The following ICE1 variants were observed in gnomAD, a reference collection of about 807,000 sequenced individuals.
ICE1 encodes interactor of little elongation complex ELL subunit 1.
Under a neutral mutation model 192.7 loss-of-function variants are expected in ICE1, and 64 were observed. That is an observed-to-expected ratio of 0.33 (90% CI 0.27 to 0.41). ICE1 has a LOEUF of 0.41. Among genes scored for constraint, ICE1 ranks in the 10% least tolerant of loss-of-function variants. The pLI, the probability that ICE1 is intolerant of heterozygous loss-of-function variation, is 1.00. For missense variants in ICE1, 2,708 were observed against 2,696.0 expected, an observed-to-expected ratio of 1.00 and a Z score of -0.10; for synonymous variants, 1,010 against 984.5, an observed-to-expected ratio of 1.03 and a Z score of -0.49.
intron 11 of ICE1, among the ~76,000 whole-genome samples, chr5:5,456,589 T>A (rs935679005): frequency 2.6e-5 from 4 of 152,222 alleles, no homozygotes; most frequent in African/African-American, 9.6e-5. Context: ...ACTCCATTTT[T>A]TTTTGAGTTG....
Position 5,460,772 on chromosome 5 carries a change from C to G in ICE1, c.1438C>G (p.His480Asp), listed in dbSNP as rs140386293. ...GAGTGATAGAAAAAGAGACATTTTA[C>G]ATGAGACAAAAACACAAATGGAGGT... is the stretch of plus-strand genomic sequence containing the variant. ...SMSDRKRDIL[H>D]ETKTQMEVRE... The change falls in exon 13 of 19, where the codon CAT becomes GAT. Residue 480 changes from histidine to aspartate, a missense_variant. Physicochemically the swap from His to Asp is moderately conservative, Grantham distance 81. Coordinates refer to ENST00000296564, the MANE Select transcript of ICE1 (RefSeq NM_015325.3). 6.2e-7 allele frequency: 1 copy of G among 1,613,994 alleles called. No homozygotes were observed. Among genetic ancestry groups the G allele is most frequent in the Non-Finnish European group, 8.5e-7 (1 of 1,179,892 alleles).
In ICE1 at chr5:5,436,343, A is replaced by G; in HGVS notation, c.85-75A>G. 7 of 879,690 alleles carry G rather than the reference A, an allele frequency of 8.0e-6. No individual in the cohort carries two copies. The South Asian group carries it at 1.2e-4, about 15-fold the overall frequency. The allele number at this position is 879,690 out of a possible 1,614,324, so 54.5% of individuals were successfully genotyped here. A position where few individuals can be genotyped will look rare whatever the true frequency, so the allele number is the denominator to read the frequency against. On this transcript the variant is annotated intron_variant, in intron 1 of 18. Coordinates refer to ENST00000296564, the MANE Select transcript of ICE1 (RefSeq NM_015325.3). ...ATAATTATTAAAATTCTTAGATATG[A>G]TAAATAATGTTACAGACAATAATTA... is the stretch of plus-strand genomic sequence containing the variant.
At chr5:5,430,398 A>G (rs1332438903) in intron 1 of ICE1, among the ~76,000 whole-genome samples, 1 of 152,258 alleles carries the variant, frequency 6.6e-6, no homozygotes, top group Non-Finnish European at 1.5e-5. Context: ...CTTGGGAAAT[A>G]ATGTTAGTCA....
At chr5:5,447,155 A>T (rs1014223846) in intron 7 of ICE1, among the ~76,000 whole-genome samples, 1 of 152,160 alleles carries the variant, frequency 6.6e-6, no homozygotes, top group African/African-American at 2.4e-5. Context: ...ATTCTTCCTT[A>T]ACTAGGGGTT....
chr5:5,438,827 T>G (rs973821785), intron 3 of ICE1, among the ~76,000 whole-genome samples: 8 of 152,230 alleles, frequency 5.3e-5, no homozygotes, highest in African/African-American at 1.7e-4. Context: ...TTCTGTAATA[T>G]GATATTTGGC....
chr5:5,448,807 T>TA (rs550097867), intron 10 of ICE1, among the ~76,000 whole-genome samples: 32 of 152,222 alleles, frequency 2.1e-4, no homozygotes, highest in Non-Finnish European at 3.7e-4. Context: ...TGTAAGGCTT[T>TA]AACAGTTCCC....
chr5:5,480,587 A>G (rs1478170863), intron 17 of ICE1, among the ~76,000 whole-genome samples: 2 of 152,164 alleles, frequency 1.3e-5, no homozygotes, highest in Non-Finnish European at 2.9e-5. Context: ...CATCATTTGA[A>G]ATAAGGTTAG....
At position 5,462,385 on chromosome 5, in the gene ICE1, A is replaced by G; in HGVS notation, c.3051A>G (p.Glu1017=). Reference sequence around the variant, plus strand: ...CTGTGTCAGGAGGGTTTTCTGTTGAAGAAACCAGCTGTGGAGACACAGGGA... The same window carrying G: ...CTGTGTCAGGAGGGTTTTCTGTTGAGGAAACCAGCTGTGGAGACACAGGGA... ...EVTVSGGFSV[E]ETSCGDTGRS... The change falls in exon 13 of 19, where the codon GAA becomes GAG. Residue 1017 remains glutamate, a synonymous_variant. Transcript: ENST00000296564. 1 of 1,614,034 alleles carries G rather than the reference A, an allele frequency of 6.2e-7. No individual in the cohort carries two copies. The highest frequency in any genetic ancestry group is 8.5e-7 in the Non-Finnish European group (1 of 1,179,896).
At chr5:5,459,997 CT>C (rs1455820845) in intron 12 of ICE1, among the ~76,000 whole-genome samples, 2 of 152,128 alleles carry the variant, frequency 1.3e-5, no homozygotes, top group East Asian at 1.9e-4. Flanking sequence ...CCCTCCCCCC[CT>C]GCACAAGGCT....
chr5:5,424,332 A>G (rs989450686), intron 1 of ICE1, among the ~76,000 whole-genome samples: 8 of 152,260 alleles, frequency 5.3e-5, no homozygotes, highest in Non-Finnish European at 1.2e-4. Flanking sequence ...CTAACAGATC[A>G]TTGCCTTCAC....
chr5:5,478,839 C>CT (rs1739415730), intron 17 of ICE1, among the ~76,000 whole-genome samples: 1 of 152,122 alleles, frequency 6.6e-6, no homozygotes, highest in Non-Finnish European at 1.5e-5. Context: ...TAAAAACAAG[C>CT]AACGGGAAAA....
intron 15 of ICE1, 94 bp downstream of exon 15, chr5:5,469,082 T>C (rs533593957): frequency 2.3e-6 from 2 of 866,452 alleles, no homozygotes; most frequent in South Asian, 7.2e-5. Context: ...TATTAGTTCA[T>C]AGGCATTTTC....
chr5:5,465,289 T>C, intron 13 of ICE1, 63 bp downstream of exon 13: 1 of 1,185,454 alleles, frequency 8.4e-7, no homozygotes, highest in Non-Finnish European at 1.2e-6. Context: ...AGATGCTGTT[T>C]ACTGTCAGCA....
intron 3 of ICE1, among the ~76,000 whole-genome samples, chr5:5,438,567 A>G (rs1737948219): frequency 1.3e-5 from 2 of 152,228 alleles, no homozygotes; most frequent in Admixed American, 6.5e-5. Flanking sequence ...TATGGAAACA[A>G]TTATCACAAC....
intron 1 of ICE1, among the ~76,000 whole-genome samples, chr5:5,430,325 T>G (rs1737666427): frequency 1.3e-5 from 2 of 152,242 alleles, no homozygotes; most frequent in African/African-American, 2.4e-5. Context: ...TATCAGAGTA[T>G]TACAATATCT....
rs566082073 is a variant in ICE1 at position 5,436,970 on chromosome 5, CAGGAAATCT to C, written c.144-104_144-96del. 4.0e-5 allele frequency: 28 copies of C among 700,232 alleles called. 1 individual carries two copies. The highest frequency in any genetic ancestry group is 3.8e-4 in the African/African-American group (21 of 55,496). 43.4% of individuals were successfully genotyped at this position (700,232 alleles called of 1,614,324 possible). On this transcript the variant is annotated intron_variant, in intron 2 of 18. Coordinates refer to ENST00000296564, the MANE Select transcript of ICE1 (RefSeq NM_015325.3). ...TCATTAATTTAGCATGCATTTGTTT[CAGGAAATCT>C]AGGAAGTCTAGAGGGTGCCTTGCAT...
chr5:5,440,994 G>T (rs1454358096), intron 4 of ICE1, 118 bp from the exon 5 acceptor site: 1 of 626,652 alleles, frequency 1.6e-6, no homozygotes, highest in Non-Finnish European at 2.8e-6. Flanking sequence ...CATTTAAAAA[G>T]ACTTTTTCAT....
At chr5:5,436,676 C>T (rs1737881040) in intron 2 of ICE1, among the ~76,000 whole-genome samples, 200 bp downstream of exon 2, 1 of 152,166 alleles carries the variant, frequency 6.6e-6, no homozygotes, top group Admixed American at 6.5e-5. Context: ...TAAAACAAAG[C>T]TCGTGGGTTA....
At position 5,469,046 on chromosome 5, in the gene ICE1, A is replaced by AT. The variant is rs553070793; in HGVS notation, c.6222+60dup. 140 of 1,192,242 alleles carry AT rather than the reference A, an allele frequency of 1.2e-4. 2 individuals are homozygous for AT. The South Asian group carries it at 3.1e-3, about 27-fold the overall frequency. 73.9% of individuals were successfully genotyped at this position (1,192,242 alleles called of 1,614,324 possible). A position where few individuals can be genotyped will look rare whatever the true frequency, so the allele number is the denominator to read the frequency against. On this transcript the variant is annotated intron_variant, in intron 15 of 18. Transcript: ENST00000296564. ...ACTTTTAGATATTATATAAATGTTA[A>AT]TTATTTTGTTGTGTATTTAGTTTTA...
Sources: gnomAD v4.1 joint callset for allele counts (sites outside exome capture counted in the v4.1 genomes callset) on GRCh38, gnomAD v4.1.1 for gene constraint, MANE v1.5 for transcripts, NCBI Gene and HGNC (gene_info 2026-07-23, HGNC 2026-07-21) for gene names.